The following PLXNB3 variants were observed in gnomAD, a reference collection of about 807,000 sequenced individuals.
PLXNB3 encodes plexin B3, also known as plexin-B3.
Under a neutral mutation model 125.7 loss-of-function variants are expected in PLXNB3, and 80 were observed. The ratio of observed to expected loss-of-function variants is 0.64; its 90% CI spans 0.53 to 0.77. PLXNB3 has a LOEUF of 0.77. PLXNB3 is among the 30% of genes least tolerant of loss of function. The pLI, the probability that PLXNB3 is intolerant of heterozygous loss-of-function variation, is 0.00. For synonymous variants in PLXNB3, 954 were observed against 783.3 expected (o/e 1.22, Z -3.64); for missense variants, 1,836 against 1,729.3 (o/e 1.06, Z -1.09).
rs1557063333 is a variant in PLXNB3 at position 153,774,588 on chromosome X, C to A, written c.3830+17C>A. 2.5e-6 allele frequency: 3 copies of A among 1,182,847 alleles called. No individual in the cohort carries two copies. Among genetic ancestry groups the A allele is most frequent in the South Asian group, 3.8e-5 (2 of 52,439 alleles). On this transcript the variant is annotated intron_variant, in intron 22 of 35. Coordinates refer to ENST00000361971, the MANE Select transcript of PLXNB3 (RefSeq NM_005393.3). ...CATGTACAGGTGAGACCCGCCCACCCCCAGCACACTTCCCTCCTCGCCATT... is the reference window on the plus strand; with the variant it reads ...CATGTACAGGTGAGACCCGCCCACCACCAGCACACTTCCCTCCTCGCCATT...
chrX:153,772,563 C>G (rs1603246855), intron 16 of PLXNB3: 2 of 588,114 alleles, frequency 3.4e-6, no homozygotes, highest in East Asian at 8.3e-5. Flanking sequence ...GGGTTCTGCC[C>G]AAAGAGGCAA....
Position 153,775,878 on chromosome X carries a change from G to A in PLXNB3, c.4402-9G>A, listed in dbSNP as rs1557063898. 1.7e-6 allele frequency: 2 copies of A among 1,199,107 alleles called. No individual in the cohort carries two copies. Among genetic ancestry groups the A allele is most frequent in the Non-Finnish European group, 1.1e-6 (1 of 887,688 alleles). ...GCTTGGCTGATGCCGGCTCATCTTG[G>A]CAGTGCAGGAGGTGGCTGGTGAACC... On this transcript the variant is annotated splice_polypyrimidine_tract_variant and intron_variant, in intron 26 of 35. Coordinates refer to ENST00000361971, the MANE Select transcript of PLXNB3 (RefSeq NM_005393.3).
chrX:153,769,643 C>A (rs2091901773), intron 6 of PLXNB3, among the ~76,000 whole-genome samples, 164 bp from the exon 7 acceptor site: 1 of 113,173 alleles, frequency 8.8e-6, no homozygotes. Flanking sequence ...GGCCATGAGG[C>A]CCTGCCTGCT....
rs1224327874 is a variant in PLXNB3, at chrX:153,777,636, G to A, written c.5209G>A (p.Glu1737Lys). ...YLFDLLDELA[E>K]KHGIEDPGTL... The stretch of plus-strand genomic sequence containing the variant: ...GTTTGACCTTCTGGATGAGCTAGCA[G>A]AGAAGCACGGCATCGAGGACCCAGG... The change falls in exon 31 of 36, where the codon GAG becomes AAG. Residue 1737 changes from glutamate (E) to lysine (K), a missense_variant. Glu to Lys is a moderately conservative substitution (Grantham distance 56). Transcript: ENST00000361971. 4 of 1,210,796 alleles carry A rather than the reference G, an allele frequency of 3.3e-6. No homozygotes were observed. Among genetic ancestry groups the A allele is most frequent in the East Asian group, 5.9e-5 (2 of 33,801 alleles).
Position 153,775,047 on chromosome X carries a change from C to T in PLXNB3, c.4099C>T (p.Arg1367Cys), listed in dbSNP as rs782068600. 4.1e-6 allele frequency: 5 copies of T among 1,209,371 alleles called. No homozygotes were observed. Among genetic ancestry groups the T allele is most frequent in the East Asian group, 5.9e-5 (2 of 33,839 alleles). Residue 1367 changes from arginine to cysteine, a missense_variant, in exon 24 of 36, where the codon CGC becomes TGC. Coordinates refer to ENST00000361971, the MANE Select transcript of PLXNB3 (RefSeq NM_005393.3). The part of the protein sequence containing the change: ...PGEDGHCATV[R>C]QGLTQLSNLL... ...GGAGGACGGCCACTGTGCCACTGTG[C>T]GCCAGGGCCTCACGCAGCTCTCCAA...
chrX:153,768,921 C>T (rs781878453), intron 4 of PLXNB3, 27 bp from the exon 5 acceptor site: 1 of 1,202,790 alleles, frequency 8.3e-7, no homozygotes, highest in Admixed American at 2.2e-5. Context: ...CCATCTGGCC[C>T]AGCCTCGTCC....
intron 28 of PLXNB3, 102 bp from the exon 29 acceptor site, chrX:153,776,785 C>A (rs1344571674): frequency 2.9e-5 from 12 of 417,211 alleles, no homozygotes; most frequent in South Asian, 1.8e-4. Flanking sequence ...CGAGGCAGGG[C>A]AGGGCGGGTC....
rs188568649 is a variant in PLXNB3, at chrX:153,769,597, G to A, written c.1497-210G>A. ...GAGTCACTGTGCGTCCCTCAGCCCA[G>A]CCGCACCTGCCTCTCAGGGCTGGAG... On this transcript the variant is annotated intron_variant, in intron 6 of 35. Transcript: ENST00000361971. Among the ~76,000 whole-genome samples the A allele has an allele frequency of 5.3e-5, 6 of 113,100 alleles. No individual in the cohort carries two copies. The East Asian group carries it at 1.7e-3, about 32-fold the overall frequency.
At chrX:153,768,166 C>A (rs1044409752) in intron 3 of PLXNB3, 83 bp from the exon 4 acceptor site, 49 of 1,015,100 alleles carry the variant, frequency 4.8e-5, no homozygotes, top group Admixed American at 4.0e-4. Context: ...GCCTGGCTCT[C>A]CTCCCGCTGG....
At chrX:153,766,757 G>A in intron 2 of PLXNB3, 116 bp from the exon 3 acceptor site, 3 of 1,072,362 alleles carry the variant, frequency 2.8e-6, no homozygotes, top group Non-Finnish European at 3.6e-6. Context: ...CCATCTCTCT[G>A]CCTCCCTCCC....
In PLXNB3 at chrX:153,775,118, G is replaced by A. The variant is rs782323951; in HGVS notation, c.4155+15G>A. ...TCCTCCTCACGGTGAGGGCCGTGTGGCGGGAGTGCCCAGTGGGCAAGGAGG... is the reference window on the plus strand; with the variant it reads ...TCCTCCTCACGGTGAGGGCCGTGTGACGGGAGTGCCCAGTGGGCAAGGAGG... On this transcript the variant is annotated intron_variant, in intron 24 of 35. Transcript: ENST00000361971. 28 of 1,184,008 alleles carry A rather than the reference G, an allele frequency of 2.4e-5. No homozygotes were observed. In the East Asian group the frequency reaches 7.8e-4, roughly 33 times the overall value.
chrX:153,771,562 G>A lies in PLXNB3; in HGVS notation c.2424G>A (p.Leu808=). The A allele has an allele frequency of 8.3e-7, 1 of 1,209,261 alleles. No homozygotes were observed. The highest frequency in any genetic ancestry group is 1.1e-6 in the Non-Finnish European group (1 of 894,652). Residue 808 remains leucine, a synonymous_variant, in exon 14 of 36, where the codon CTG becomes CTA. Transcript: ENST00000361971. ...CQAANRSLGC[L]WCADGQPACR... ...CGGCCAACAGGAGCCTGGGCTGCCTGTGGTGTGCTGACGGCCAGCCTGCCT... is the reference window on the plus strand; with the variant it reads ...CGGCCAACAGGAGCCTGGGCTGCCTATGGTGTGCTGACGGCCAGCCTGCCT...
Position 153,773,629 on chromosome X carries a change from C to G in PLXNB3, c.3195C>G (p.Pro1065=). 8.3e-7 allele frequency: 1 copy of G among 1,201,738 alleles called. No individual in the cohort carries two copies. Among genetic ancestry groups the G allele is most frequent in the East Asian group, 3.0e-5 (1 of 33,690 alleles). Residue 1065 remains proline, a synonymous_variant, in exon 19 of 36, where the codon CCC becomes CCG. Transcript: ENST00000361971. ...AGGTGCAGGCTTCCAGGGCCCAGCC[C>G]CAGGACCCACAGCCAAGGAGGAGCT... ...DAEVQASRAQ[P]QDPQPRRSCG... is the part of the protein sequence containing the mutation.
Position 153,776,191 on chromosome X carries a change from C to A in PLXNB3, c.4706C>A (p.Pro1569His). 8.4e-7 allele frequency: 1 copy of A among 1,185,620 alleles called. No homozygotes were observed. The highest frequency in any genetic ancestry group is 1.1e-6 in the Non-Finnish European group (1 of 881,905). The change falls in exon 27 of 36, where the codon CCC becomes CAC. Residue 1569 changes from proline to histidine, a missense_variant. Physicochemically the swap from Pro to His is moderately conservative, Grantham distance 77. Coordinates refer to ENST00000361971, the MANE Select transcript of PLXNB3 (RefSeq NM_005393.3). Reference sequence around the variant, plus strand: ...AAGGGCACCCCCTTCTCCCAGAGGCCCTCAGTGCATGCCCTAGACCTTGGT... The same window carrying A: ...AAGGGCACCCCCTTCTCCCAGAGGCACTCAGTGCATGCCCTAGACCTTGGT... Reference protein sequence around the residue: ...VYKGTPFSQRPSVHALDLEWR... With the variant: ...VYKGTPFSQRHSVHALDLEWR...
chrX:153,775,730 T>C, intron 26 of PLXNB3, 70 bp downstream of exon 26: 4 of 1,110,577 alleles, frequency 3.6e-6, no homozygotes, highest in Non-Finnish European at 4.9e-6. Flanking sequence ...ATGAGGGGGC[T>C]ACTGCCTGCG....
rs1351190011 is a variant in PLXNB3 at position 153,772,252 on chromosome X, C to T, written c.2740C>T (p.Pro914Ser). 1 of 1,207,405 alleles carries T rather than the reference C, an allele frequency of 8.3e-7. No individual in the cohort carries two copies. The highest frequency in any genetic ancestry group is 1.7e-5 in the African/African-American group (1 of 57,449). ...CGTCCGGGTGGCCATTAAGAGCCAG[C>T]CACCAGGCATCTCAAGCCAGCACTT... ...GPVRVAIKSQ[P>S]PGISSQHFTY... The change falls in exon 16 of 36, where the codon CCA becomes TCA. Residue 914 changes from proline (P) to serine (S), a missense_variant. Physicochemically the swap from Pro to Ser is moderately conservative, Grantham distance 74. Coordinates refer to ENST00000361971, the MANE Select transcript of PLXNB3 (RefSeq NM_005393.3).
chrX:153,767,415 G>A lies in PLXNB3; in HGVS notation c.588G>A (p.Leu196=). 1.7e-6 allele frequency: 2 copies of A among 1,183,699 alleles called. No homozygotes were observed. Among genetic ancestry groups the A allele is most frequent in the Non-Finnish European group, 2.3e-6 (2 of 880,749 alleles). The change falls in exon 3 of 36, where the codon CTG becomes CTA. Residue 196 remains leucine (L), a synonymous_variant. Transcript: ENST00000361971. The part of the protein sequence containing the change: ...LLVARGLAGK[L]SAGVPPLAIR... ...TGGCCAGAGGCCTGGCGGGCAAGCT[G>A]TCGGCAGGGGTGCCACCCCTGGCCA...
chrX:153,774,304 C>A lies in PLXNB3; in HGVS notation c.3638C>A (p.Ala1213Asp). The A allele has an allele frequency of 8.6e-7, 1 of 1,164,011 alleles. No homozygotes were observed. ...THLYCEPPAH[A>D]PQPANGSGLP... ...CTGTACTGCGAGCCGCCTGCGCACG[C>A]CCCGCAGCCTGCCAATGGCTCCGGC... is the stretch of plus-strand genomic sequence containing the variant. Residue 1213 changes from alanine (A) to aspartate (D), a missense_variant, in exon 21 of 36, where the codon GCC becomes GAC. Physicochemically the swap from Ala to Asp is moderately radical, Grantham distance 126. Coordinates refer to ENST00000361971, the MANE Select transcript of PLXNB3 (RefSeq NM_005393.3).
intron 4 of PLXNB3, 150 bp from the exon 5 acceptor site, chrX:153,768,798 T>C: frequency 1.6e-6 from 1 of 636,941 alleles, no homozygotes; most frequent in Non-Finnish European, 2.4e-6. Context: ...CTGAGGGTGC[T>C]GAGTGGGGGA....
Sources: allele counts gnomAD v4.1 joint callset (sites outside exome capture counted in the v4.1 genomes callset), GRCh38; gene constraint gnomAD v4.1.1; transcripts MANE v1.5; gene names NCBI Gene and HGNC (gene_info 2026-07-23, HGNC 2026-07-21).